The following TTC34 variants were observed in gnomAD, a reference collection of about 807,000 sequenced individuals.
TTC34 encodes tetratricopeptide repeat domain 34.
In TTC34, 44 loss-of-function variants were observed where a neutral mutation model predicts 40.7. The observed-to-expected ratio is 1.08, with a 90% CI of 0.85 to 1.39. The LOEUF (loss-of-function observed/expected upper bound fraction) is 1.39. Ranked by LOEUF, TTC34 falls within the 40% of genes most tolerant of loss-of-function variation. The pLI is 0.00. For missense variants in TTC34, 884 were observed against 838.0 expected, an observed-to-expected ratio of 1.05 and a Z score of -0.68; for synonymous variants, 422 against 398.6, an observed-to-expected ratio of 1.06 and a Z score of -0.70.
Position 2,641,898 on chromosome 1 carries a change from G to A in TTC34, c.2713-3C>T, listed in dbSNP as rs1387050804. The A allele has an allele frequency of 6.8e-7, 1 of 1,473,488 alleles. No homozygotes were observed. Among genetic ancestry groups the A allele is most frequent in the South Asian group, 1.3e-5 (1 of 74,338 alleles). 91.3% of individuals were successfully genotyped at this position (1,473,488 alleles called of 1,614,324 possible). ...GTGCCGGCTTCCTGGGCCGCCGCCT[G>A]CACAGAGGACACAGAGAGAGGCAGG... On this transcript the variant is annotated splice_region_variant and splice_polypyrimidine_tract_variant and intron_variant, in intron 8 of 8. Coordinates refer to ENST00000401095, the Ensembl canonical transcript of TTC34.
chr1:2,654,580 T>C, intron 6 of TTC34, among the ~76,000 whole-genome samples: 1 of 150,256 alleles, frequency 6.7e-6, no homozygotes, highest in South Asian at 2.1e-4. Flanking sequence ...CACCCCCAGG[T>C]GAGCATCCGA....
At chr1:2,674,581 C>G (rs183138150) in intron 6 of TTC34, among the ~76,000 whole-genome samples, 1 of 35,280 alleles carries the variant, frequency 2.8e-5, no homozygotes, top group Non-Finnish European at 6.2e-5. Flanking sequence ...ATCTGACGGC[C>G]TGGAACAGCA....
chr1:2,783,772 C>T lies in TTC34; in HGVS notation c.2063G>A (p.Ser688Asn). 6.7e-7 allele frequency: 1 copy of T among 1,502,130 alleles called. No homozygotes were observed. The highest frequency in any genetic ancestry group is 2.5e-5 in the East Asian group (1 of 39,906). 93.1% of individuals were successfully genotyped at this position (1,502,130 alleles called of 1,614,324 possible). A position where few individuals can be genotyped will look rare whatever the true frequency, so the allele number is the denominator to read the frequency against. The change falls in exon 6 of 9, where the codon AGC becomes AAC. Residue 688 changes from serine to asparagine, a missense_variant. Coordinates refer to ENST00000401095, the Ensembl canonical transcript of TTC34. ...GGCAAGGAGGGACTCACTTGCCTGG[C>T]TTCCTGCAGGAAGACGGCATGGGGT...
At chr1:2,654,005 C>G (rs1293008689) in intron 6 of TTC34, among the ~76,000 whole-genome samples, 2 of 151,156 alleles carry the variant, frequency 1.3e-5, no homozygotes, top group African/African-American at 4.9e-5. Context: ...GAGCAGTGCC[C>G]ACACCCCCAG....
At chr1:2,750,589 G>C (rs1463875042) in intron 6 of TTC34, among the ~76,000 whole-genome samples, 1 of 146,608 alleles carries the variant, frequency 6.8e-6, no homozygotes, top group East Asian at 2.0e-4. Context: ...CTGACATCGT[G>C]GAGCAGCACC....
At chr1:2,692,659 C>T (rs1640679816) in intron 6 of TTC34, among the ~76,000 whole-genome samples, 2 of 32,590 alleles carry the variant, frequency 6.1e-5, no homozygotes. Context: ...GGAGCAGCAC[C>T]CCACACCCAC....
chr1:2,648,739 C>G (rs1366724369), intron 6 of TTC34, among the ~76,000 whole-genome samples: 1 of 150,418 alleles, frequency 6.6e-6, no homozygotes, highest in Admixed American at 6.6e-5. Flanking sequence ...CCTGGAACAG[C>G]ACCGCACACT....
Position 2,687,593 on chromosome 1 carries a change from A to G in TTC34, c.2227-42030T>C, listed in dbSNP as rs562708036. 9.4e-5 allele frequency among the ~76,000 whole-genome samples: 14 copies of G among 149,174 alleles called. No homozygotes were observed. The East Asian group carries it at 9.8e-4, about 10-fold the overall frequency. On this transcript the variant is annotated intron_variant, in intron 6 of 8. Coordinates refer to ENST00000401095, the Ensembl canonical transcript of TTC34. ...GCCAGGTGACGATCTGACAGCCTGG[A>G]ACAGCACCCACACCCCCAGGTGAGC...
At position 2,751,447 on chromosome 1, in the gene TTC34, C is replaced by CAA. The variant is rs1641316446; in HGVS notation, c.2226+32161_2226+32162insTT. Among the ~76,000 whole-genome samples, 145 of 19,330 alleles carry CAA rather than the reference C, an allele frequency of 7.5e-3. 2 individuals are homozygous for CAA. Among genetic ancestry groups the CAA allele is most frequent in the East Asian group, 0.013 (5 of 378 alleles). The allele number at this position is 19,330 out of a possible 152,430, so 12.7% of individuals were successfully genotyped here. ...TGACAGCCTGGAACAGAGCCCAGACCCCCAGGTGAGCATCTGACAGACTGG... is the reference window on the plus strand; with the variant it reads ...TGACAGCCTGGAACAGAGCCCAGACCAACCCAGGTGAGCATCTGACAGACTGG... On this transcript the variant is annotated intron_variant, in intron 6 of 8. Transcript: ENST00000401095.
At chr1:2,783,560 G>A (rs1643521564) in intron 6 of TTC34, 49 bp downstream of exon 6, 1 of 1,317,218 alleles carries the variant, frequency 7.6e-7, no homozygotes. Flanking sequence ...CAGCTCCCTG[G>A]GTCCCCCACC....
intron 6 of TTC34, among the ~76,000 whole-genome samples, chr1:2,752,896 C>G (rs1641371590): frequency 6.6e-6 from 1 of 151,316 alleles, no homozygotes; most frequent in Non-Finnish European, 1.5e-5. Context: ...CACCCACACC[C>G]CCAGGTGAGC....
intron 6 of TTC34, among the ~76,000 whole-genome samples, chr1:2,753,382 G>C (rs1240774974): frequency 7.7e-6 from 1 of 129,662 alleles, no homozygotes; most frequent in Non-Finnish European, 1.6e-5. Flanking sequence ...ACACCCCCAG[G>C]CGAGCATCTG....
intron 6 of TTC34, among the ~76,000 whole-genome samples, chr1:2,760,452 C>T (rs1363589311): frequency 6.4e-5 from 3 of 46,542 alleles, no homozygotes; most frequent in African/African-American, 3.2e-4. Context: ...CACACCCAGG[C>T]GAGAATCTGA....
rs1282848141 is a variant in TTC34 at position 2,775,346 on chromosome 1, C to A, written c.2226+8263G>T. 2.0e-5 allele frequency: 3 copies of A among 150,842 alleles called. No homozygotes were observed. In the East Asian group the frequency reaches 5.8e-4, roughly 29 times the overall value. 9.3% of individuals were successfully genotyped at this position (150,842 alleles called of 1,614,324 possible). A position where few individuals can be genotyped will look rare whatever the true frequency, so the allele number is the denominator to read the frequency against. ...GATCTGACTACCTGGAACAGAACCC[C>A]GCTCTTCCAGGTGAGAATATGACAG... On this transcript the variant is annotated intron_variant, in intron 6 of 8. Transcript: ENST00000401095.
chr1:2,750,269 GAAA>G (rs1641271784), intron 6 of TTC34, among the ~76,000 whole-genome samples: 2 of 128,462 alleles, frequency 1.6e-5, no homozygotes, highest in African/African-American at 6.5e-5. Flanking sequence ...TGACAGCCTG[GAAA>G]AGAGCCCAGA....
chr1:2,780,491 A>C (rs1643464835), intron 6 of TTC34, among the ~76,000 whole-genome samples: 1 of 152,156 alleles, frequency 6.6e-6, no homozygotes. Flanking sequence ...ATTCTTTTGC[A>C]TAGTTTTCCC....
At position 2,753,175 on chromosome 1, in the gene TTC34, C is replaced by A. The variant is rs1480352584; in HGVS notation, c.2226+30434G>T. On this transcript the variant is annotated intron_variant, in intron 6 of 8. Transcript: ENST00000401095. ...TGACGGCCTGGAACAGCACCCACACCCCCAGGTGAGCATCTGACATCGTGC... is the reference window on the plus strand; with the variant it reads ...TGACGGCCTGGAACAGCACCCACACACCCAGGTGAGCATCTGACATCGTGC... Among the ~76,000 whole-genome samples the A allele has an allele frequency of 5.9e-4, 65 of 110,656 alleles. No homozygotes were observed. In the South Asian group the frequency reaches 8.2e-3, roughly 14 times the overall value. The allele number at this position is 110,656 out of a possible 152,430, so 72.6% of individuals were successfully genotyped here.
intron 6 of TTC34, among the ~76,000 whole-genome samples, chr1:2,686,366 G>A (rs1640346526): frequency 6.8e-6 from 1 of 147,086 alleles, no homozygotes; most frequent in Non-Finnish European, 1.5e-5. Flanking sequence ...CACACCCCCA[G>A]GTGCGCATGT....
At chr1:2,783,895 T>C in intron 5 of TTC34, 120 bp from the exon 6 acceptor site, 1 of 965,990 alleles carries the variant, frequency 1.0e-6, no homozygotes, top group Non-Finnish European at 1.4e-6. Flanking sequence ...CTTGGGGAGC[T>C]CACAGGCCAC....
Sources: allele counts gnomAD v4.1 joint callset (sites outside exome capture counted in the v4.1 genomes callset), GRCh38; gene constraint gnomAD v4.1.1; transcripts MANE v1.5; gene names NCBI Gene and HGNC (gene_info 2026-07-23, HGNC 2026-07-21).